Variants in FAM174A observed in about 807,000 individuals in gnomAD.
The protein encoded by FAM174A is family with sequence similarity 174 member A, also known as membrane protein FAM174A.
A neutral mutation model predicts 14.3 loss-of-function variants in FAM174A; 14 were observed. That is an observed-to-expected ratio of 0.98 (90% confidence interval 0.65 to 1.53). The LOEUF (loss-of-function observed/expected upper bound fraction) is 1.53, where lower values mean the gene tolerates loss of function less well. Among genes scored for constraint, FAM174A ranks in the 40% most tolerant of loss-of-function variants. FAM174A has a pLI of 0.00. For missense variants in FAM174A, 241 were observed against 249.6 expected, an observed-to-expected ratio of 0.97 and a Z score of 0.23; for synonymous variants, 108 against 111.4, an observed-to-expected ratio of 0.97 and a Z score of 0.19.
intron 2 of FAM174A, among the ~76,000 whole-genome samples, chr5:100,575,494 A>ATGCG (rs1182834986): frequency 6.6e-6 from 1 of 152,142 alleles, no homozygotes; most frequent in Non-Finnish European, 1.5e-5. Flanking sequence ...GAGTGAGAAC[A>ATGCG]TGCGGTGTTT....
chr5:100,537,380 G>A (rs533230044), intron 1 of FAM174A, among the ~76,000 whole-genome samples: 1 of 151,994 alleles, frequency 6.6e-6, no homozygotes, highest in South Asian at 2.1e-4. Flanking sequence ...TGAAAATATA[G>A]TTGTTTTTCA....
At chr5:100,536,331 G>C (rs1745941196) in intron 1 of FAM174A, among the ~76,000 whole-genome samples, 1 of 152,028 alleles carries the variant, frequency 6.6e-6, no homozygotes, top group Non-Finnish European at 1.5e-5. Flanking sequence ...TACCTAACTG[G>C]TCAAAATTTT....
intron 1 of FAM174A, among the ~76,000 whole-genome samples, chr5:100,557,173 A>G (rs1244699291): frequency 6.6e-6 from 1 of 152,176 alleles, no homozygotes; most frequent in Non-Finnish European, 1.5e-5. Context: ...ATTTTGTCAA[A>G]GGCCTTTTCT....
At chr5:100,579,304 T>G (rs1746961064) in intron 2 of FAM174A, among the ~76,000 whole-genome samples, 2 of 152,180 alleles carry the variant, frequency 1.3e-5, no homozygotes, top group Admixed American at 1.3e-4. Flanking sequence ...CACTTCAAAT[T>G]GATCCAAGTT....
intron 2 of FAM174A, among the ~76,000 whole-genome samples, chr5:100,579,644 C>T (rs993334551): frequency 1.3e-5 from 2 of 151,896 alleles, no homozygotes; most frequent in African/African-American, 4.8e-5. Context: ...CAGGCTGGTC[C>T]TGAATTCCTG....
chr5:100,537,439 T>G (rs530718422), intron 1 of FAM174A, among the ~76,000 whole-genome samples: 2 of 152,290 alleles, frequency 1.3e-5, no homozygotes, highest in Admixed American at 1.3e-4. Flanking sequence ...TTAAATCAGT[T>G]GATAAGTATA....
At chr5:100,559,298 A>G (rs1013366371) in intron 1 of FAM174A, among the ~76,000 whole-genome samples, 122 of 152,140 alleles carry the variant, frequency 8.0e-4, no homozygotes, top group Non-Finnish European at 1.1e-3. Flanking sequence ...AGTTTCTGCC[A>G]AGAGATCAGC....
chr5:100,546,578 C>T (rs1746168231), intron 1 of FAM174A, among the ~76,000 whole-genome samples: 1 of 152,180 alleles, frequency 6.6e-6, no homozygotes, highest in South Asian at 2.1e-4. Flanking sequence ...TATTTTTACT[C>T]TTTCATTGGT....
rs77214019 is a variant in FAM174A, at chr5:100,543,790, C to G, written c.434+7826C>G. Among the ~76,000 whole-genome samples, 1,246 of 152,152 alleles carry G rather than the reference C, an allele frequency of 8.2e-3. 14 individuals are homozygous for G. The highest frequency in any genetic ancestry group is 0.029 in the African/African-American group (1,185 of 41,490). ...GTCTCTAGTGAACTATATTTTTATGCAAGTACATTTTTCAAGGATGGAATT... is the reference window on the plus strand; with the variant it reads ...GTCTCTAGTGAACTATATTTTTATGGAAGTACATTTTTCAAGGATGGAATT... On this transcript the variant is annotated intron_variant, in intron 1 of 2. Transcript: ENST00000312637.
At chr5:100,582,913 C>G (rs1286007710) in intron 2 of FAM174A, among the ~76,000 whole-genome samples, 2 of 152,132 alleles carry the variant, frequency 1.3e-5, no homozygotes, top group African/African-American at 4.8e-5. Context: ...GCACCAACTA[C>G]ACAGTCAAAA....
At chr5:100,582,348 TGACTAAA>T (rs1299416771) in intron 2 of FAM174A, among the ~76,000 whole-genome samples, 1 of 152,160 alleles carries the variant, frequency 6.6e-6, no homozygotes, top group Admixed American at 6.5e-5. Flanking sequence ...TACAGACTGC[TGACTAAA>T]GATTCAGATA....
At chr5:100,576,737 G>GA (rs144857665) in intron 2 of FAM174A, among the ~76,000 whole-genome samples, 7 of 151,834 alleles carry the variant, frequency 4.6e-5, no homozygotes, top group Admixed American at 6.6e-5. Flanking sequence ...AGGTTTCTGG[G>GA]AAAAAAAATA....
At chr5:100,540,126 TC>T (rs1439792524) in intron 1 of FAM174A, among the ~76,000 whole-genome samples, 1 of 152,202 alleles carries the variant, frequency 6.6e-6, no homozygotes, top group African/African-American at 2.4e-5. Context: ...GTGACTTTAA[TC>T]ACCATTTCTC....
At chr5:100,562,714 A>C (rs947759650) in intron 2 of FAM174A, among the ~76,000 whole-genome samples, 2 of 151,776 alleles carry the variant, frequency 1.3e-5, no homozygotes, top group African/African-American at 2.4e-5. Flanking sequence ...AGTGTTTGTA[A>C]ATAGTGCTGC....
At chr5:100,566,144 ATATATAT>A (rs1746642320) in intron 2 of FAM174A, among the ~76,000 whole-genome samples, 1 of 99,238 alleles carries the variant, frequency 1.0e-5, no homozygotes, top group South Asian at 2.8e-4. Flanking sequence ...AAAGTATGAT[ATATATAT>A]ATATATATAT....
intron 2 of FAM174A, among the ~76,000 whole-genome samples, chr5:100,583,376 T>C (rs1561325949): frequency 6.6e-6 from 1 of 152,232 alleles, no homozygotes; most frequent in Non-Finnish European, 1.5e-5. Flanking sequence ...CAGCTTGCTT[T>C]AGTTTTAGTG....
intron 2 of FAM174A, among the ~76,000 whole-genome samples, chr5:100,571,738 T>C (rs1746785539): frequency 6.7e-6 from 1 of 149,252 alleles, no homozygotes; most frequent in Non-Finnish European, 1.5e-5. Context: ...TATAAAGTAA[T>C]AGAAAGGTTG....
At chr5:100,568,275 T>G (rs1270310694) in intron 2 of FAM174A, among the ~76,000 whole-genome samples, 1 of 151,888 alleles carries the variant, frequency 6.6e-6, no homozygotes, top group Non-Finnish European at 1.5e-5. Flanking sequence ...GGTCCCATGT[T>G]TTTTAAGTGC....
At chr5:100,545,026 G>C (rs77492977) in intron 1 of FAM174A, among the ~76,000 whole-genome samples, 1 of 152,300 alleles carries the variant, frequency 6.6e-6, no homozygotes, top group African/African-American at 2.4e-5. Context: ...CCTGCCAGTT[G>C]TTAAATAGCT....
Sources: gnomAD v4.1 joint callset for allele counts (sites outside exome capture counted in the v4.1 genomes callset) on GRCh38, gnomAD v4.1.1 for gene constraint, MANE v1.5 for transcripts, NCBI Gene and HGNC (gene_info 2026-07-23, HGNC 2026-07-21) for gene names.